The following NLK variants were observed in gnomAD, a reference collection of about 807,000 sequenced individuals.
NLK encodes the protein nemo like kinase, also known as serine/threonine-protein kinase NLK.
NLK carries 11 observed loss-of-function variants against 59.0 expected under a neutral mutation model. That is an observed-to-expected ratio of 0.19 (90% confidence interval 0.12 to 0.31). The LOEUF is 0.31. Ranked by LOEUF, NLK falls within the 10% of genes least tolerant of loss-of-function variation. NLK has a pLI of 1.00. For synonymous variants in NLK, 235 were observed against 235.9 expected (o/e 1.00, Z 0.03); for missense variants, 410 against 661.1 (o/e 0.62, Z 4.16).
chr17:28,110,046 A>T (rs1474322066), intron 1 of NLK, among the ~76,000 whole-genome samples: 1 of 152,244 alleles, frequency 6.6e-6, no homozygotes, highest in Non-Finnish European at 1.5e-5. Flanking sequence ...ATCCACAAAT[A>T]TGAAGTGTTC....
intron 2 of NLK, among the ~76,000 whole-genome samples, chr17:28,132,086 T>C (rs1906542148): frequency 6.6e-6 from 1 of 152,222 alleles, no homozygotes; most frequent in African/African-American, 2.4e-5. Context: ...AGGGAAGCTT[T>C]TTCTCTCTAC....
chr17:28,118,935 CTG>C (rs1905901394), intron 1 of NLK, among the ~76,000 whole-genome samples: 2 of 152,154 alleles, frequency 1.3e-5, no homozygotes, highest in Admixed American at 1.3e-4. Context: ...GACAGATGCA[CTG>C]TCTTATTTAA....
chr17:28,075,717 T>G (rs1910142515), intron 1 of NLK, among the ~76,000 whole-genome samples: 1 of 152,180 alleles, frequency 6.6e-6, no homozygotes, highest in Non-Finnish European at 1.5e-5. Context: ...GATGTAGAGT[T>G]TCTTAGCTTA....
chr17:28,085,444 TTA>T (rs928920346), intron 1 of NLK, among the ~76,000 whole-genome samples: 1 of 151,938 alleles, frequency 6.6e-6, no homozygotes, highest in Non-Finnish European at 1.5e-5. Context: ...TCCGTTAAAA[TTA>T]TAAGAGCTGA....
intron 1 of NLK, among the ~76,000 whole-genome samples, chr17:28,106,662 T>C (rs1905121836): frequency 6.6e-6 from 1 of 152,232 alleles, no homozygotes; most frequent in South Asian, 2.1e-4. Flanking sequence ...TAAATACTTT[T>C]GACGTAAATT....
intron 1 of NLK, among the ~76,000 whole-genome samples, chr17:28,090,188 A>G (rs984866701): frequency 2.0e-5 from 3 of 152,188 alleles, no homozygotes; most frequent in Non-Finnish European, 2.9e-5. Context: ...TATACCTTCA[A>G]TTGGTATTAT....
At chr17:28,160,329 C>T (rs546205702) in intron 3 of NLK, among the ~76,000 whole-genome samples, 1 of 152,304 alleles carries the variant, frequency 6.6e-6, no homozygotes, top group Non-Finnish European at 1.5e-5. Context: ...TCCCTGTTCC[C>T]AAGTTATCCC....
chr17:28,150,938 G>A (rs1907454941), intron 3 of NLK, among the ~76,000 whole-genome samples: 2 of 152,122 alleles, frequency 1.3e-5, no homozygotes, highest in South Asian at 4.1e-4. Context: ...GTAACTTAAA[G>A]GGCCATAGCA....
chr17:28,081,869 C>A (rs905606948), intron 1 of NLK, among the ~76,000 whole-genome samples: 1 of 152,120 alleles, frequency 6.6e-6, no homozygotes, highest in Admixed American at 6.6e-5. Flanking sequence ...CTTCTCCTCT[C>A]TGAAATTCAT....
chr17:28,203,164 TACAC>T, the NLK span, among the ~76,000 whole-genome samples: 14,688 of 136,896 alleles, frequency 0.11, 872 homozygotes, highest in Non-Finnish European at 0.15. Context: ...TATACATACA[TACAC>T]ACACACACAC....
chr17:28,122,714 T>G lies in NLK; in HGVS notation c.570T>G (p.Cys190Trp), dbSNP rs1466915581. The stretch of plus-strand genomic sequence containing the variant: ...TCTTCCGGGAATTGAAGATGTTGTG[T>G]TTTTTTAAGCATGATAATGTAAGTG... The part of the protein sequence containing the change: ...KRVFRELKML[C>W]FFKHDNVLSA... Residue 190 changes from cysteine (C) to tryptophan (W), a missense_variant, in exon 2 of 11, where the codon TGT becomes TGG. Transcript: ENST00000407008. 4 of 1,613,662 alleles carry G rather than the reference T, an allele frequency of 2.5e-6. No homozygotes were observed. The highest frequency in any genetic ancestry group is 3.4e-6 in the Non-Finnish European group (4 of 1,179,756).
chr17:28,046,610 C>T (rs1402660435), intron 1 of NLK, among the ~76,000 whole-genome samples: 1 of 152,158 alleles, frequency 6.6e-6, no homozygotes, highest in African/African-American at 2.4e-5. Context: ...TAATATAAAT[C>T]TACCTTTTTG....
intron 1 of NLK, among the ~76,000 whole-genome samples, chr17:28,109,517 A>G (rs1468116752): frequency 6.6e-6 from 1 of 152,228 alleles, no homozygotes; most frequent in African/African-American, 2.4e-5. Flanking sequence ...AGACTTGCTC[A>G]TTAATAGTAA....
chr17:28,166,497 C>T (rs1176223902), intron 5 of NLK, among the ~76,000 whole-genome samples: 1 of 152,078 alleles, frequency 6.6e-6, no homozygotes, highest in Non-Finnish European at 1.5e-5. Context: ...GCTGCCGGAA[C>T]TCTTTTTCAA....
intron 1 of NLK, among the ~76,000 whole-genome samples, chr17:28,092,797 ATTTTATTTTATT>A (rs1296991849): frequency 9.4e-5 from 13 of 138,536 alleles, no homozygotes; most frequent in African/African-American, 4.0e-4. Context: ...ATTTTATTTT[ATTTTATTTTATT>A]TATTTATTGA....
At chr17:28,079,474 C>A (rs1250216656) in intron 1 of NLK, among the ~76,000 whole-genome samples, 1 of 152,186 alleles carries the variant, frequency 6.6e-6, no homozygotes, top group South Asian at 2.1e-4. Context: ...TTTATATTCG[C>A]ACCAGCAGTA....
intron 2 of NLK, among the ~76,000 whole-genome samples, chr17:28,129,056 AAGACTTC>A (rs901598586): frequency 3.3e-5 from 5 of 152,220 alleles, no homozygotes; most frequent in African/African-American, 4.8e-5. Flanking sequence ...CTATACACAA[AAGACTTC>A]ACTCTTTATT....
At chr17:28,061,900 CATACATATATACATATAT>C (rs956574855) in intron 1 of NLK, 1 of 138,036 alleles carries the variant, frequency 7.2e-6, no homozygotes, top group Non-Finnish European at 1.5e-5. Flanking sequence ...TATACATATA[CATACATATATACATATAT>C]ATACATATAT....
At chr17:28,120,869 T>C (rs1238655395) in intron 1 of NLK, among the ~76,000 whole-genome samples, 2 of 152,194 alleles carry the variant, frequency 1.3e-5, no homozygotes, top group African/African-American at 4.8e-5. Flanking sequence ...AATTTTTATT[T>C]TCAGGAAAGC....
Sources: gnomAD v4.1 joint callset for allele counts (sites outside exome capture counted in the v4.1 genomes callset) on GRCh38, gnomAD v4.1.1 for gene constraint, MANE v1.5 for transcripts, NCBI Gene and HGNC (gene_info 2026-07-23, HGNC 2026-07-21) for gene names.